The following ADAMTSL1 variants were observed in gnomAD, a reference collection of about 807,000 sequenced individuals.
The protein encoded by ADAMTSL1 is ADAMTS-like protein 1.
Under a neutral mutation model 201.8 loss-of-function variants are expected in ADAMTSL1, and 126 were observed. The ratio of observed to expected loss-of-function variants is 0.62; its 90% CI spans 0.54 to 0.72. The LOEUF (loss-of-function observed/expected upper bound fraction) is 0.72. Among genes scored for constraint, ADAMTSL1 ranks in the 30% least tolerant of loss-of-function variants. The probability of loss-of-function intolerance (pLI) is 0.00; values close to 1 mark genes in which losing one functional copy is unlikely to be tolerated. For synonymous variants in ADAMTSL1, 1,121 were observed against 903.4 expected (o/e 1.24, Z -4.32); for missense variants, 2,679 against 2,277.8 (o/e 1.18, Z -3.59).
chr9:18,356,604 A>AACAC (rs67090987), intron 2 of ADAMTSL1, among the ~76,000 whole-genome samples: 13,702 of 143,420 alleles, frequency 0.096, 740 homozygotes, highest in East Asian at 0.2. Flanking sequence ...TACACAATAA[A>AACAC]ACACACACAC....
intron 2 of ADAMTSL1, among the ~76,000 whole-genome samples, chr9:18,458,285 C>T (rs1321941320): frequency 1.3e-5 from 2 of 152,142 alleles, no homozygotes; most frequent in Non-Finnish European, 2.9e-5. Context: ...GAAACACATA[C>T]ACACACACCT....
intron 20 of ADAMTSL1, among the ~76,000 whole-genome samples, chr9:18,807,455 T>A (rs1490300187): frequency 1.3e-5 from 2 of 151,936 alleles, no homozygotes; most frequent in Non-Finnish European, 2.9e-5. Flanking sequence ...CCATCCTGGC[T>A]AACACGGTGA....
intron 2 of ADAMTSL1, among the ~76,000 whole-genome samples, chr9:18,248,710 G>C (rs114993879): frequency 9.9e-5 from 15 of 152,144 alleles, no homozygotes; most frequent in African/African-American, 3.4e-4. Flanking sequence ...GTCCATTGCG[G>C]GGGGCCATAA....
chr9:18,042,897 C>T (rs1821490366), intron 1 of ADAMTSL1, among the ~76,000 whole-genome samples: 1 of 152,066 alleles, frequency 6.6e-6, no homozygotes, highest in South Asian at 2.1e-4. Flanking sequence ...TCTGCTTTAA[C>T]CTTAGAAATT....
chr9:18,262,245 AT>A (rs1446846593), intron 2 of ADAMTSL1, among the ~76,000 whole-genome samples: 3 of 152,148 alleles, frequency 2.0e-5, no homozygotes, highest in African/African-American at 4.8e-5. Context: ...GCTAAGGATC[AT>A]ATATTAGGGG....
At chr9:18,779,160 C>A (rs1821234600) in intron 19 of ADAMTSL1, among the ~76,000 whole-genome samples, 1 of 152,168 alleles carries the variant, frequency 6.6e-6, no homozygotes, top group Non-Finnish European at 1.5e-5. Context: ...GCAGCTCACC[C>A]AAGATCACAT....
At chr9:18,388,847 C>T (rs1837920748) in intron 2 of ADAMTSL1, among the ~76,000 whole-genome samples, 1 of 151,942 alleles carries the variant, frequency 6.6e-6, no homozygotes. Flanking sequence ...ACCTCCGCCT[C>T]CCAGGTTCAA....
chr9:18,048,788 C>T (rs760756408), intron 1 of ADAMTSL1, among the ~76,000 whole-genome samples: 1 of 152,158 alleles, frequency 6.6e-6, no homozygotes, highest in Non-Finnish European at 1.5e-5. Context: ...TCATGTGCTT[C>T]AGGAAGACTG....
chr9:17,929,846 A>T (rs1826706683), intron 1 of ADAMTSL1, among the ~76,000 whole-genome samples: 1 of 151,890 alleles, frequency 6.6e-6, no homozygotes. Context: ...TTTCTTTCAT[A>T]CACTTCTTTG....
chr9:18,819,753 AC>A (rs1824093213), intron 21 of ADAMTSL1, among the ~76,000 whole-genome samples: 1 of 152,224 alleles, frequency 6.6e-6, no homozygotes, highest in African/African-American at 2.4e-5. Context: ...ATGCTGATTA[AC>A]TAAAATAATT....
At chr9:17,963,072 A>G (rs1817824623) in intron 1 of ADAMTSL1, among the ~76,000 whole-genome samples, 2 of 152,234 alleles carry the variant, frequency 1.3e-5, no homozygotes, top group South Asian at 4.1e-4. Flanking sequence ...AATGAGATTT[A>G]GAGGTTCATT....
intron 1 of ADAMTSL1, among the ~76,000 whole-genome samples, chr9:18,110,855 G>C (rs933343710): frequency 6.6e-6 from 1 of 152,148 alleles, no homozygotes; most frequent in African/African-American, 2.4e-5. Context: ...AAGAATAAGA[G>C]TCAACTGAAC....
chr9:18,466,059 C>T (rs555277448), intron 2 of ADAMTSL1, among the ~76,000 whole-genome samples: 22 of 152,284 alleles, frequency 1.4e-4, no homozygotes, highest in Admixed American at 5.2e-4. Flanking sequence ...CTTCAAGTAT[C>T]TTATTTAAAA....
At chr9:18,421,258 A>T (rs550325354) in intron 2 of ADAMTSL1, among the ~76,000 whole-genome samples, 1 of 152,324 alleles carries the variant, frequency 6.6e-6, no homozygotes, top group South Asian at 2.1e-4. Context: ...CCCATTGGTA[A>T]ATATAGTATT....
intron 1 of ADAMTSL1, among the ~76,000 whole-genome samples, chr9:18,476,602 G>A (rs1182778301): frequency 6.6e-6 from 1 of 152,184 alleles, no homozygotes; most frequent in African/African-American, 2.4e-5. Context: ...AACTAGAAGT[G>A]TGGCATCATC....
At chr9:18,622,122 A>G in intron 4 of ADAMTSL1, 121 bp from the exon 5 acceptor site, 1 of 1,292,862 alleles carries the variant, frequency 7.7e-7, no homozygotes, top group South Asian at 1.5e-5. Flanking sequence ...AGTCCCCTTC[A>G]CGGGGTATGT....
chr9:18,690,463 G>T (rs2482968), intron 13 of ADAMTSL1, among the ~76,000 whole-genome samples: 37,186 of 151,918 alleles, frequency 0.24, 4,546 homozygotes, highest in Admixed American at 0.33. Context: ...TAAATATAAG[G>T]TACCTGAATT....
intron 2 of ADAMTSL1, among the ~76,000 whole-genome samples, chr9:18,397,813 C>T (rs1817814207): frequency 6.6e-6 from 1 of 152,172 alleles, no homozygotes. Context: ...TTTGGGTAAG[C>T]ATCTATACCT....
At chr9:17,998,896 C>T (rs528777453) in intron 1 of ADAMTSL1, among the ~76,000 whole-genome samples, 1 of 152,074 alleles carries the variant, frequency 6.6e-6, no homozygotes, top group South Asian at 2.1e-4. Context: ...ATACAAAGGC[C>T]CCATGAAATC....
Sources: allele counts gnomAD v4.1 joint callset (sites outside exome capture counted in the v4.1 genomes callset), GRCh38; gene constraint gnomAD v4.1.1; transcripts MANE v1.5; gene names NCBI Gene and HGNC (gene_info 2026-07-23, HGNC 2026-07-21).